TMEM117: variants seen among roughly 807,000 people sequenced by gnomAD.
The protein encoded by TMEM117 is transmembrane protein 117.
A neutral mutation model predicts 52.4 loss-of-function variants in TMEM117; 27 were observed. The observed-to-expected ratio is 0.51, with a 90% CI of 0.38 to 0.71. The LOEUF is 0.71. Ranked by LOEUF, TMEM117 falls within the 30% of genes least tolerant of loss-of-function variation. The pLI, the probability that TMEM117 is intolerant of heterozygous loss-of-function variation, is 0.00. For missense variants in TMEM117, 556 were observed against 630.5 expected (o/e 0.88, Z 1.26); for synonymous variants, 215 against 206.3 (o/e 1.04, Z -0.36).
intron 4 of TMEM117, among the ~76,000 whole-genome samples, chr12:44,144,829 T>C (rs1227603085): frequency 2.0e-5 from 3 of 152,196 alleles, no homozygotes; most frequent in African/African-American, 7.2e-5. Flanking sequence ...TAGAATAAAC[T>C]AGACATTGAG....
At chr12:43,990,243 T>A (rs1404564868) in intron 3 of TMEM117, among the ~76,000 whole-genome samples, 3 of 152,044 alleles carry the variant, frequency 2.0e-5, no homozygotes, top group Non-Finnish European at 4.4e-5. Context: ...TCAACCCACG[T>A]GAAAAATGTA....
chr12:44,138,125 CT>C (rs1948518653), intron 3 of TMEM117, among the ~76,000 whole-genome samples: 1 of 152,102 alleles, frequency 6.6e-6, no homozygotes, highest in South Asian at 2.1e-4. Context: ...GGGTTGCAAG[CT>C]TAATCTTTTC....
At chr12:44,082,444 T>A (rs1947496864) in intron 3 of TMEM117, among the ~76,000 whole-genome samples, 1 of 152,020 alleles carries the variant, frequency 6.6e-6, no homozygotes, top group Non-Finnish European at 1.5e-5. Flanking sequence ...GATATAGGCA[T>A]AGATATAGAT....
At chr12:44,263,531 A>G (rs1272801856) in intron 5 of TMEM117, 1 of 152,220 alleles carries the variant, frequency 6.6e-6, no homozygotes, top group Non-Finnish European at 1.5e-5. Flanking sequence ...TACCATAAAG[A>G]CACAAGCACA....
At chr12:43,806,740 T>C in the TMEM117 span, among the ~76,000 whole-genome samples, 2 of 152,232 alleles carry the variant, frequency 1.3e-5, no homozygotes, top group African/African-American at 4.8e-5. Context: ...TAGAAAAGCC[T>C]TCTCCTTGCT....
rs1038362160 is a variant in TMEM117, at chr12:44,239,838, CTCTTTA to C, written c.608+28459_608+28464del. 1.2e-4 allele frequency among the ~76,000 whole-genome samples: 19 copies of C among 152,108 alleles called. 1 individual carries two copies. Among genetic ancestry groups the C allele is most frequent in the Admixed American group, 2.6e-4 (4 of 15,252 alleles). On this transcript the variant is annotated intron_variant, in intron 5 of 7. Transcript: ENST00000266534. The stretch of plus-strand genomic sequence containing the variant: ...TAAAAAAAAGATAGTTGCTATTTTC[CTCTTTA>C]TCTTTATAAGTGGCTGAGATACTAC...
At chr12:43,979,619 G>A (rs1424241932) in intron 3 of TMEM117, among the ~76,000 whole-genome samples, 1 of 152,170 alleles carries the variant, frequency 6.6e-6, no homozygotes, top group East Asian at 1.9e-4. Flanking sequence ...AATCGCTGTG[G>A]GGGAAGGGAG....
At chr12:43,870,829 G>A (rs865806285) in intron 2 of TMEM117, among the ~76,000 whole-genome samples, 120 of 152,048 alleles carry the variant, frequency 7.9e-4, no homozygotes, top group African/African-American at 2.7e-3. Flanking sequence ...TTGTTGCCAG[G>A]GCTGGAGTGC....
At chr12:43,966,623 G>C (rs775586754) in intron 3 of TMEM117, among the ~76,000 whole-genome samples, 14 of 152,104 alleles carry the variant, frequency 9.2e-5, no homozygotes, top group Non-Finnish European at 1.5e-4. Flanking sequence ...CTAATTTGCA[G>C]CCAAGTTCAG....
chr12:44,090,849 G>GTTTTTTTTTTTTTTTT (rs541939145), intron 3 of TMEM117, among the ~76,000 whole-genome samples: 13 of 101,638 alleles, frequency 1.3e-4, no homozygotes, highest in African/African-American at 4.6e-4. Context: ...GTTTTTTTTT[G>GTTTTTTTTTTTTTTTT]TTTTTTTTTT....
chr12:43,854,369 T>A (rs1943363127), intron 2 of TMEM117, among the ~76,000 whole-genome samples: 1 of 151,246 alleles, frequency 6.6e-6, no homozygotes, highest in Non-Finnish European at 1.5e-5. Context: ...ACTGATAGGA[T>A]ATGAGTAGGC....
intron 6 of TMEM117, among the ~76,000 whole-genome samples, chr12:44,347,648 C>T (rs1951506036): frequency 6.6e-6 from 1 of 151,998 alleles, no homozygotes; most frequent in Non-Finnish European, 1.5e-5. Context: ...GTGCAGCTGT[C>T]CCTTCTCTCT....
intron 2 of TMEM117, among the ~76,000 whole-genome samples, chr12:43,881,535 A>G (rs141311812): frequency 6.6e-6 from 1 of 152,324 alleles, no homozygotes; most frequent in African/African-American, 2.4e-5. Context: ...CATGCCTGTA[A>G]TCCCAACACT....
At chr12:43,889,949 C>T (rs953422509) in intron 2 of TMEM117, among the ~76,000 whole-genome samples, 2 of 152,150 alleles carry the variant, frequency 1.3e-5, no homozygotes, top group Non-Finnish European at 2.9e-5. Context: ...TCCCTATGAG[C>T]ACCACACAGG....
At chr12:44,344,794 C>A (rs1323294477) in intron 6 of TMEM117, among the ~76,000 whole-genome samples, 1 of 151,970 alleles carries the variant, frequency 6.6e-6, no homozygotes, top group East Asian at 1.9e-4. Flanking sequence ...CTGCAGTGCT[C>A]CTCTCCTTTT....
chr12:44,397,838 G>A, the TMEM117 span, among the ~76,000 whole-genome samples: 2 of 152,182 alleles, frequency 1.3e-5, no homozygotes, highest in African/African-American at 2.4e-5. Context: ...CTAAGCATAA[G>A]TATCCATCCA....
At chr12:43,919,324 C>G (rs1197780498) in intron 2 of TMEM117, among the ~76,000 whole-genome samples, 1 of 152,140 alleles carries the variant, frequency 6.6e-6, no homozygotes, top group Non-Finnish European at 1.5e-5. Context: ...CAGACAACCA[C>G]CCTTGTACTC....
At chr12:43,972,493 G>C (rs1338568209) in intron 3 of TMEM117, among the ~76,000 whole-genome samples, 1 of 152,194 alleles carries the variant, frequency 6.6e-6, no homozygotes. Flanking sequence ...ATGCAAGTGG[G>C]TTGCCGCTGG....
chr12:43,797,196 A>G, the TMEM117 span: 1 of 1,481,436 alleles, frequency 6.8e-7, no homozygotes, highest in East Asian at 2.3e-5. Context: ...CAGAAACTTC[A>G]TAAAACTACA....
Sources: allele counts gnomAD v4.1 joint callset (sites outside exome capture counted in the v4.1 genomes callset), GRCh38; gene constraint gnomAD v4.1.1; transcripts MANE v1.5; gene names NCBI Gene and HGNC (gene_info 2026-07-23, HGNC 2026-07-21).